The following TNS3 variants were observed in gnomAD, a reference collection of about 807,000 sequenced individuals.
TNS3 encodes the protein tensin-3.
Under a neutral mutation model 140.9 loss-of-function variants are expected in TNS3, and 45 were observed. The ratio of observed to expected loss-of-function variants is 0.32; its 90% CI spans 0.25 to 0.41. TNS3 has a LOEUF of 0.41. Among genes scored for constraint, TNS3 ranks in the 10% least tolerant of loss-of-function variants. The pLI, the probability that TNS3 is intolerant of heterozygous loss-of-function variation, is 1.00. For missense variants in TNS3, 1,716 were observed against 1,906.7 expected (o/e 0.90, Z 1.86); for synonymous variants, 815 against 788.4 (o/e 1.03, Z -0.56).
intron 2 of TNS3, among the ~76,000 whole-genome samples, chr7:47,511,117 C>G (rs11489414): frequency 1.3e-5 from 2 of 152,268 alleles, no homozygotes; most frequent in African/African-American, 4.8e-5. Context: ...AATAAAACAG[C>G]GTAGGAAAAA....
At chr7:47,508,635 T>G (rs1286871420) in intron 2 of TNS3, among the ~76,000 whole-genome samples, 1 of 152,248 alleles carries the variant, frequency 6.6e-6, no homozygotes, top group Non-Finnish European at 1.5e-5. Context: ...CCAGATGGCC[T>G]GGGTGACCTC....
At chr7:47,558,123 T>C (rs1388110613) in intron 1 of TNS3, among the ~76,000 whole-genome samples, 1 of 152,128 alleles carries the variant, frequency 6.6e-6, no homozygotes, top group Non-Finnish European at 1.5e-5. Context: ...GACGCCTGTA[T>C]ACAGGACACT....
rs140401756 is a variant in TNS3, at chr7:47,421,756, T to C, written c.473+2345A>G. Among the ~76,000 whole-genome samples the C allele has an allele frequency of 7.1e-3, 1,076 of 152,264 alleles. 8 individuals carry two copies. The highest frequency in any genetic ancestry group is 0.024 in the African/African-American group (1,017 of 41,554). ...AAGGTATAAAAACAGAAAACTTACA[T>C]GGGCACATGTGAGTTTTACGGGTCA... is the stretch of plus-strand genomic sequence containing the variant. On this transcript the variant is annotated intron_variant, in intron 10 of 30. Coordinates refer to ENST00000311160, the MANE Select transcript of TNS3 (RefSeq NM_022748.12).
At chr7:47,537,244 G>A (rs974776004) in intron 1 of TNS3, among the ~76,000 whole-genome samples, 20 of 152,230 alleles carry the variant, frequency 1.3e-4, no homozygotes, top group African/African-American at 4.8e-4. Context: ...GCCAACACGG[G>A]AGGGGCCAAG....
chr7:47,444,717 C>T (rs1218177274), intron 4 of TNS3, among the ~76,000 whole-genome samples: 2 of 152,178 alleles, frequency 1.3e-5, no homozygotes, highest in Non-Finnish European at 2.9e-5. Context: ...GAATCCAATT[C>T]AGCATTATAG....
At chr7:47,411,932 T>G in intron 12 of TNS3, 130 bp from the exon 13 acceptor site, 2 of 833,338 alleles carry the variant, frequency 2.4e-6, no homozygotes, top group Non-Finnish European at 3.8e-6. Context: ...GCCCAGAATC[T>G]AATTCCTGAG....
chr7:47,467,958 T>C (rs529439476), intron 4 of TNS3, among the ~76,000 whole-genome samples: 5 of 152,140 alleles, frequency 3.3e-5, no homozygotes, highest in East Asian at 3.9e-4. Context: ...TCAGGTAATA[T>C]AAATAATGCA....
intron 20 of TNS3, among the ~76,000 whole-genome samples, chr7:47,310,542 A>C (rs956938183): frequency 6.6e-6 from 1 of 152,200 alleles, no homozygotes; most frequent in African/African-American, 2.4e-5. Flanking sequence ...TCAAATATTT[A>C]ATTGTAAAAA....
intron 1 of TNS3, chr7:47,579,791 C>T: frequency 1.0e-6 from 1 of 974,428 alleles, no homozygotes. Context: ...GAGTCCTAAG[C>T]AGATATAAGC....
intron 1 of TNS3, among the ~76,000 whole-genome samples, chr7:47,575,692 A>G (rs1800657794): frequency 6.6e-6 from 1 of 151,764 alleles, no homozygotes; most frequent in Admixed American, 6.6e-5. Context: ...GCGTAGTGGC[A>G]GGCGCCTGTA....
At chr7:47,311,294 T>C (rs1424350846) in intron 20 of TNS3, among the ~76,000 whole-genome samples, 1 of 152,110 alleles carries the variant, frequency 6.6e-6, no homozygotes, top group Non-Finnish European at 1.5e-5. Flanking sequence ...TTAAGAGAAA[T>C]ACCTAATGTA....
chr7:47,479,689 C>T lies in TNS3; in HGVS notation c.-76+1414G>A, dbSNP rs190598730. Reference sequence around the variant, plus strand: ...GATTTTATTTTTAACGTTCCTATGACCTCAAATGCATACTTTGCTCTTCCA... The same window carrying T: ...GATTTTATTTTTAACGTTCCTATGATCTCAAATGCATACTTTGCTCTTCCA... On this transcript the variant is annotated intron_variant, in intron 4 of 30. Transcript: ENST00000311160. Among the ~76,000 whole-genome samples, 185 of 152,342 alleles carry T rather than the reference C, an allele frequency of 1.2e-3. 2 individuals are homozygous for T. Among genetic ancestry groups the T allele is most frequent in the Non-Finnish European group, 1.3e-3 (87 of 68,030 alleles).
At chr7:47,484,984 C>T (rs751978211) in intron 3 of TNS3, among the ~76,000 whole-genome samples, 47 of 152,224 alleles carry the variant, frequency 3.1e-4, no homozygotes, top group Non-Finnish European at 5.6e-4. Flanking sequence ...AGCCACCCAA[C>T]GCTGCAGGGC....
rs769333837 is a variant in TNS3, at chr7:47,411,714, A to G, written c.723+13T>C. 9 of 1,607,226 alleles carry G rather than the reference A, an allele frequency of 5.6e-6. No individual in the cohort carries two copies. Among genetic ancestry groups the G allele is most frequent in the Non-Finnish European group, 7.6e-6 (9 of 1,176,874 alleles). Reference sequence around the variant, plus strand: ...GGGACACCAACCCATCTGCGGCCACAGCGGGCACTCACCATGACATCTCCC... The same window carrying G: ...GGGACACCAACCCATCTGCGGCCACGGCGGGCACTCACCATGACATCTCCC... On this transcript the variant is annotated intron_variant, in intron 13 of 30. Transcript: ENST00000311160.
chr7:47,315,198 A>C (rs2085585975), intron 20 of TNS3, among the ~76,000 whole-genome samples: 1 of 152,020 alleles, frequency 6.6e-6, no homozygotes, highest in African/African-American at 2.4e-5. Context: ...CAATATTCTC[A>C]CATTTTCCCT....
chr7:47,505,889 C>T (rs1380510599), intron 3 of TNS3, among the ~76,000 whole-genome samples: 1 of 152,084 alleles, frequency 6.6e-6, no homozygotes, highest in Non-Finnish European at 1.5e-5. Context: ...TCGGGAGGGT[C>T]GGGGAAACCA....
intron 17 of TNS3, among the ~76,000 whole-genome samples, chr7:47,349,828 G>A (rs1212867350): frequency 6.6e-6 from 1 of 152,208 alleles, no homozygotes; most frequent in Non-Finnish European, 1.5e-5. Flanking sequence ...ACAAAAGAAA[G>A]AAAAACAGGA....
At chr7:47,424,231 A>C (rs745919623) in intron 9 of TNS3, 47 bp from the exon 10 acceptor site, 1 of 1,594,784 alleles carries the variant, frequency 6.3e-7, no homozygotes, top group South Asian at 1.1e-5. Flanking sequence ...TGGAGCCCAC[A>C]CCACGTGGGT....
intron 16 of TNS3, among the ~76,000 whole-genome samples, chr7:47,389,066 G>A (rs1792295801): frequency 1.3e-5 from 1 of 76,822 alleles, no homozygotes; most frequent in African/African-American, 6.1e-5. Context: ...AGAAGAAGAA[G>A]AAGAAGAAGA....
Sources: allele counts gnomAD v4.1 joint callset (sites outside exome capture counted in the v4.1 genomes callset), GRCh38; gene constraint gnomAD v4.1.1; transcripts MANE v1.5; gene names NCBI Gene and HGNC (gene_info 2026-07-23, HGNC 2026-07-21).